DOCK7: variants seen among roughly 807,000 people sequenced by gnomAD.
DOCK7 encodes the protein dedicator of cytokinesis protein 7.
DOCK7 carries 138 observed loss-of-function variants against 271.0 expected under a neutral mutation model. The ratio of observed to expected loss-of-function variants is 0.51; its 90% CI spans 0.44 to 0.59. The LOEUF (loss-of-function observed/expected upper bound fraction) is 0.59, where lower values mean the gene tolerates loss of function less well. Ranked by LOEUF, DOCK7 falls within the 20% of genes least tolerant of loss-of-function variation. The pLI is 0.00. For missense variants in DOCK7, 2,066 were observed against 2,592.4 expected (o/e 0.80, Z 4.41); for synonymous variants, 823 against 876.1 (o/e 0.94, Z 1.07).
At chr1:62,655,734 A>C (rs1229829602) in intron 2 of DOCK7, among the ~76,000 whole-genome samples, 1 of 152,188 alleles carries the variant, frequency 6.6e-6, no homozygotes, top group Non-Finnish European at 1.5e-5. Context: ...GCCTGGACTT[A>C]ACATTTTAAA....
chr1:62,599,079 G>A (rs1649729727), intron 14 of DOCK7, among the ~76,000 whole-genome samples: 1 of 152,010 alleles, frequency 6.6e-6, no homozygotes, highest in Middle Eastern at 3.4e-3. Context: ...TAGGATTATT[G>A]TAAGAAAAAA....
intron 13 of DOCK7, 147 bp from the exon 14 acceptor site, chr1:62,619,015 T>C: frequency 1.6e-6 from 1 of 613,272 alleles, no homozygotes; most frequent in Non-Finnish European, 2.7e-6. Flanking sequence ...ATCTCATGCC[T>C]CTAAATCATT....
intron 14 of DOCK7, among the ~76,000 whole-genome samples, chr1:62,618,419 A>C (rs749985379): frequency 3.3e-5 from 5 of 152,228 alleles, no homozygotes; most frequent in South Asian, 2.1e-4. Context: ...AAAATGTTTA[A>C]CCTCTCTAAC....
At chr1:62,536,319 C>T (rs1047479265) in intron 28 of DOCK7, among the ~76,000 whole-genome samples, 2 of 152,052 alleles carry the variant, frequency 1.3e-5, no homozygotes, top group South Asian at 2.1e-4. Context: ...CTGAAAATTA[C>T]ATAGCTAGCT....
intron 43 of DOCK7, 187 bp from the exon 44 acceptor site, chr1:62,478,012 CAAAT>C (rs1402857030): frequency 6.3e-6 from 4 of 639,554 alleles, no homozygotes; most frequent in Non-Finnish European, 9.5e-6. Flanking sequence ...TTATTTCTAA[CAAAT>C]AAGTATGCAA....
In DOCK7 at chr1:62,488,950, C is replaced by T. The variant is rs182780540; in HGVS notation, c.5477G>A (p.Ser1826Asn). ...TIHGKLQEAF[S>N]KIVHQSTGWE... ...AATCATTACCTGATGAACAATTTTG[C>T]TGAATGCTTCTTGAAGTTTACCATG... The change falls in exon 42 of 50, where the codon AGC becomes AAC. Residue 1826 changes from serine (S) to asparagine (N), a missense_variant. Ser to Asn is a conservative substitution (Grantham distance 46). Transcript: ENST00000635253. 26 of 1,613,520 alleles carry T rather than the reference C, an allele frequency of 1.6e-5. No individual in the cohort carries two copies. The Admixed American group carries it at 4.2e-4, about 26-fold the overall frequency.
intron 14 of DOCK7, among the ~76,000 whole-genome samples, chr1:62,607,013 C>A (rs1445641491): frequency 1.3e-5 from 2 of 148,732 alleles, no homozygotes; most frequent in Middle Eastern, 3.5e-3. Context: ...TCTGACCAGC[C>A]TGACCAATAT....
In DOCK7 at chr1:62,563,295, G is replaced by C. The variant is rs145650811; in HGVS notation, c.2113-1592C>G. ...CTGCTACAACAGAATATTTCAGTAA[G>C]ATCTAGAGTCGCATGGTAACTATAA... On this transcript the variant is annotated intron_variant, in intron 18 of 49. Coordinates refer to ENST00000635253, the MANE Select transcript of DOCK7 (RefSeq NM_001367561.1). Among the ~76,000 whole-genome samples, 584 of 152,212 alleles carry C rather than the reference G, an allele frequency of 3.8e-3. 6 individuals carry two copies. The highest frequency in any genetic ancestry group is 0.013 in the African/African-American group (531 of 41,528).
intron 43 of DOCK7, among the ~76,000 whole-genome samples, chr1:62,481,008 CAAA>C (rs35993847): frequency 5.8e-4 from 55 of 94,648 alleles, no homozygotes; most frequent in South Asian, 2.1e-3. Flanking sequence ...GACTCCGTCT[CAAA>C]AAAAAAAAAA....
intron 7 of DOCK7, chr1:62,641,763 C>T: frequency 3.3e-6 from 1 of 305,860 alleles, no homozygotes; most frequent in Admixed American, 4.0e-5. Context: ...GGTGTGTTTT[C>T]ACATTTGCTT....
At chr1:62,474,458 T>C (rs1645915399) in intron 47 of DOCK7, among the ~76,000 whole-genome samples, 1 of 152,260 alleles carries the variant, frequency 6.6e-6, no homozygotes, top group Non-Finnish European at 1.5e-5. Context: ...TTGATTTTGC[T>C]AAAACAGGTT....
chr1:62,557,048 G>A (rs1646166086), intron 20 of DOCK7, among the ~76,000 whole-genome samples: 1 of 137,146 alleles, frequency 7.3e-6, no homozygotes, highest in Non-Finnish European at 1.5e-5. Context: ...AAGTTCTCAT[G>A]TTTTTCTTTT....
intron 14 of DOCK7, chr1:62,598,074 TAA>T: frequency 1.3e-6 from 2 of 1,572,818 alleles, no homozygotes; most frequent in East Asian, 2.3e-5. Flanking sequence ...AAGTAGAAAA[TAA>T]AGAGGGTTCA....
intron 15 of DOCK7, 51 bp downstream of exon 15, chr1:62,586,456 T>C (rs1187959558): frequency 2.2e-6 from 3 of 1,371,758 alleles, no homozygotes; most frequent in East Asian, 2.4e-5. Flanking sequence ...AAGAAAAAAG[T>C]CTATTTGAAC....
At chr1:62,480,948 G>A (rs2149268382) in intron 43 of DOCK7, among the ~76,000 whole-genome samples, 1 of 144,972 alleles carries the variant, frequency 6.9e-6, no homozygotes, top group Non-Finnish European at 1.5e-5. Context: ...GGCGGAGCTT[G>A]CAGTGAGCCG....
At chr1:62,596,571 G>A (rs554860249) in intron 14 of DOCK7, among the ~76,000 whole-genome samples, 20 of 152,030 alleles carry the variant, frequency 1.3e-4, no homozygotes, top group Admixed American at 1.2e-3. Flanking sequence ...AATTTTGGGA[G>A]GCCAAGGTAA....
chr1:62,469,737 G>A (rs957965986), intron 48 of DOCK7, among the ~76,000 whole-genome samples: 5 of 151,918 alleles, frequency 3.3e-5, no homozygotes, highest in South Asian at 4.2e-4. Context: ...AAATAATTTC[G>A]TCAAAAAGTG....
intron 22 of DOCK7, among the ~76,000 whole-genome samples, chr1:62,546,550 TGA>T (rs1481962148): frequency 6.6e-6 from 1 of 152,128 alleles, no homozygotes; most frequent in Non-Finnish European, 1.5e-5. Context: ...ATAAAAATGA[TGA>T]GAGTGTCTCC....
Position 62,495,589 on chromosome 1 carries a change from T to C in DOCK7, c.5016A>G (p.Leu1672=), listed in dbSNP as rs150310084. 12 of 1,583,916 alleles carry C rather than the reference T, an allele frequency of 7.6e-6. No individual in the cohort carries two copies. The African/African-American group carries it at 8.2e-5, about 11-fold the overall frequency. The change falls in exon 39 of 50, where the codon CTA becomes CTG. Residue 1672 remains leucine, a synonymous_variant. Transcript: ENST00000635253. ...HQEDPEMLID[L]MYRIAKGYQT... is the part of the protein sequence containing the mutation. Reference sequence around the variant, plus strand: ...AATCAAATAAATGCTACCTGTACATTAGATCAATCAACATTTCAGGATCCT... The same window carrying C: ...AATCAAATAAATGCTACCTGTACATCAGATCAATCAACATTTCAGGATCCT...
Sources: allele counts gnomAD v4.1 joint callset (sites outside exome capture counted in the v4.1 genomes callset), GRCh38; gene constraint gnomAD v4.1.1; transcripts MANE v1.5; gene names NCBI Gene and HGNC (gene_info 2026-07-23, HGNC 2026-07-21).